STAG1: variants seen among roughly 807,000 people sequenced by gnomAD.
STAG1 encodes the protein cohesin subunit SA-1.
Under a neutral mutation model 170.9 loss-of-function variants are expected in STAG1, and 26 were observed. That is an observed-to-expected ratio of 0.15 (90% confidence interval 0.11 to 0.21). The LOEUF is 0.21. Ranked by LOEUF, STAG1 falls within the 10% of genes least tolerant of loss-of-function variation. The pLI, the probability that STAG1 is intolerant of heterozygous loss-of-function variation, is 1.00. For synonymous variants in STAG1, 514 were observed against 497.7 expected (o/e 1.03, Z -0.44); for missense variants, 964 against 1,509.5 (o/e 0.64, Z 5.99).
chr3:136,574,603 T>C (rs909525594), intron 4 of STAG1, among the ~76,000 whole-genome samples: 1 of 152,144 alleles, frequency 6.6e-6, no homozygotes, highest in Non-Finnish European at 1.5e-5. Flanking sequence ...AAATATTTTA[T>C]AATAATAAAA....
At position 136,375,797 on chromosome 3, in the gene STAG1, A is replaced by G. The variant is rs575479686; in HGVS notation, c.2370+1863T>C. 5.9e-5 allele frequency among the ~76,000 whole-genome samples: 9 copies of G among 151,428 alleles called. No homozygotes were observed. In the South Asian group the frequency reaches 1.3e-3, roughly 21 times the overall value. On this transcript the variant is annotated intron_variant, in intron 23 of 33. Coordinates refer to ENST00000383202, the MANE Select transcript of STAG1 (RefSeq NM_005862.3). ...CAGCCTGGCCAACACAGTGAAACCC[A>G]TATCTACTAAAAATACAAAAAAATT...
At chr3:136,629,328 A>G (rs1940231633) in intron 2 of STAG1, among the ~76,000 whole-genome samples, 1 of 152,172 alleles carries the variant, frequency 6.6e-6, no homozygotes, top group Non-Finnish European at 1.5e-5. Context: ...TACATTAAGT[A>G]CTTTTCTGGA....
chr3:136,656,638 T>TGTGTGTGTGTGC (rs1178515627), intron 1 of STAG1, among the ~76,000 whole-genome samples: 5 of 151,796 alleles, frequency 3.3e-5, no homozygotes, highest in Non-Finnish European at 7.4e-5. Context: ...TGTGTGTGTG[T>TGTGTGTGTGTGC]GTGTGTGTAT....
chr3:136,534,944 C>T (rs1303887234), intron 6 of STAG1, among the ~76,000 whole-genome samples: 2 of 152,232 alleles, frequency 1.3e-5, no homozygotes, highest in Admixed American at 6.5e-5. Context: ...GATACCCACA[C>T]TTGCATGTTT....
In STAG1 at chr3:136,467,441, G is replaced by T. The variant is rs565832830; in HGVS notation, c.1206-2453C>A. On this transcript the variant is annotated intron_variant, in intron 12 of 33. Transcript: ENST00000383202. ...CATTACATAATGGCAAAGGGATCAA[G>T]TCAACAAGAAGAGCTAACTATCCTA... is the stretch of plus-strand genomic sequence containing the variant. 6.6e-5 allele frequency among the ~76,000 whole-genome samples: 10 copies of T among 152,148 alleles called. No individual in the cohort carries two copies. In the East Asian group the frequency reaches 7.7e-4, roughly 12 times the overall value.
chr3:136,466,232 C>G (rs1218082534), intron 12 of STAG1, among the ~76,000 whole-genome samples: 1 of 152,000 alleles, frequency 6.6e-6, no homozygotes, highest in Non-Finnish European at 1.5e-5. Flanking sequence ...TGGAGCCCAT[C>G]GCAAAGAAGC....
chr3:136,525,229 C>G (rs1416381123), intron 6 of STAG1, among the ~76,000 whole-genome samples: 1 of 152,088 alleles, frequency 6.6e-6, no homozygotes, highest in African/African-American at 2.4e-5. Flanking sequence ...TCGTCCTGGA[C>G]TTTTTTTGGT....
At chr3:136,661,020 A>G (rs1363692180) in intron 1 of STAG1, among the ~76,000 whole-genome samples, 1 of 152,180 alleles carries the variant, frequency 6.6e-6, no homozygotes, top group African/African-American at 2.4e-5. Context: ...TAACTATTAA[A>G]GCAGAAATTC....
At chr3:136,614,881 T>C (rs36000665) in intron 3 of STAG1, among the ~76,000 whole-genome samples, 64 of 152,174 alleles carry the variant, frequency 4.2e-4, no homozygotes, top group Non-Finnish European at 8.1e-4. Flanking sequence ...TCACAAATAA[T>C]ATATATTAAC....
At chr3:136,465,387 T>G (rs1197821479) in intron 12 of STAG1, among the ~76,000 whole-genome samples, 1 of 151,426 alleles carries the variant, frequency 6.6e-6, no homozygotes, top group Non-Finnish European at 1.5e-5. Context: ...GCTCAGCTAA[T>G]TTTTTGTATT....
intron 9 of STAG1, among the ~76,000 whole-genome samples, chr3:136,487,209 T>C (rs112488823): frequency 4.6e-5 from 7 of 152,206 alleles, no homozygotes; most frequent in African/African-American, 1.4e-4. Context: ...AGCTTCCACT[T>C]ATGAGTGAAA....
chr3:136,700,880 T>C (rs1422642187), intron 1 of STAG1, among the ~76,000 whole-genome samples: 6 of 132,158 alleles, frequency 4.5e-5, no homozygotes, highest in Non-Finnish European at 6.5e-5. Context: ...TTTTTTCTTT[T>C]TTTTTTTTTT....
chr3:136,518,451 A>G, intron 7 of STAG1: 3 of 699,298 alleles, frequency 4.3e-6, no homozygotes. Flanking sequence ...CTTTTAATCT[A>G]TTCCTCGTAC....
intron 21 of STAG1, among the ~76,000 whole-genome samples, chr3:136,413,082 T>C (rs1385905219): frequency 1.3e-5 from 2 of 151,388 alleles, no homozygotes; most frequent in Admixed American, 1.3e-4. Flanking sequence ...CAGGCTGGTC[T>C]CGAACTCCTG....
intron 1 of STAG1, among the ~76,000 whole-genome samples, chr3:136,704,045 T>C (rs1943153803): frequency 7.2e-6 from 1 of 138,976 alleles, no homozygotes; most frequent in Non-Finnish European, 1.5e-5. Context: ...CAGATTGGCA[T>C]AAATGATTTT....
In STAG1 at chr3:136,375,925, C is replaced by T. The variant is rs913855150; in HGVS notation, c.2370+1735G>A. Reference sequence around the variant, plus strand: ...TGGAGGTTGCAGTGAGCCGAGATCACGCCACTGCACACCAGCCCGGGCAAC... The same window carrying T: ...TGGAGGTTGCAGTGAGCCGAGATCATGCCACTGCACACCAGCCCGGGCAAC... On this transcript the variant is annotated intron_variant, in intron 23 of 33. Coordinates refer to ENST00000383202, the MANE Select transcript of STAG1 (RefSeq NM_005862.3). Among the ~76,000 whole-genome samples, 80 of 150,064 alleles carry T rather than the reference C, an allele frequency of 5.3e-4. 1 individual carries two copies. The highest frequency in any genetic ancestry group is 1.8e-3 in the African/African-American group (73 of 40,618).
intron 15 of STAG1, among the ~76,000 whole-genome samples, chr3:136,440,861 C>T (rs895962147): frequency 6.6e-5 from 10 of 151,760 alleles, no homozygotes; most frequent in South Asian, 2.1e-4. Flanking sequence ...TGGTGGTGCA[C>T]GCCTGTAGTC....
intron 1 of STAG1, chr3:136,737,048 G>C: frequency 7.2e-7 from 1 of 1,381,248 alleles, no homozygotes; most frequent in East Asian, 2.3e-5. Context: ...GTAACTTCAG[G>C]ATCTGAAGAA....
At chr3:136,601,131 G>C (rs1332242970) in intron 4 of STAG1, among the ~76,000 whole-genome samples, 1 of 152,082 alleles carries the variant, frequency 6.6e-6, no homozygotes, top group African/African-American at 2.4e-5. Flanking sequence ...AAGGTGCTGA[G>C]ATTACAGGCA....
Sources: allele counts gnomAD v4.1 joint callset (sites outside exome capture counted in the v4.1 genomes callset), GRCh38; gene constraint gnomAD v4.1.1; transcripts MANE v1.5; gene names NCBI Gene and HGNC (gene_info 2026-07-23, HGNC 2026-07-21).